Variants in NOTCH2 observed in about 807,000 individuals in gnomAD.
NOTCH2 encodes neurogenic locus notch homolog protein 2.
In NOTCH2, 29 loss-of-function variants were observed where a neutral mutation model predicts 235.8. The observed-to-expected ratio is 0.12, with a 90% CI of 0.09 to 0.17. The LOEUF (loss-of-function observed/expected upper bound fraction) is 0.17, where lower values mean the gene tolerates loss of function less well. Ranked by LOEUF, NOTCH2 falls within the 10% of genes least tolerant of loss-of-function variation. The pLI is 1.00. For missense variants in NOTCH2, 2,285 were observed against 3,150.2 expected (o/e 0.73, Z 6.57); for synonymous variants, 1,086 against 1,141.5 (o/e 0.95, Z 0.98).
chr1:120,067,624 T>G (rs1442811669), intron 1 of NOTCH2, among the ~76,000 whole-genome samples: 1 of 152,192 alleles, frequency 6.6e-6, no homozygotes, highest in East Asian at 1.9e-4. Context: ...CCAAAACAAG[T>G]TAATGATAGA....
At chr1:119,982,216 G>A (rs1305749086) in intron 5 of NOTCH2, among the ~76,000 whole-genome samples, 2 of 152,214 alleles carry the variant, frequency 1.3e-5, no homozygotes, top group Admixed American at 1.3e-4. Context: ...AAGGAGAGCT[G>A]AGAGAAAGTG....
chr1:120,000,390 C>T (rs1270435315), intron 3 of NOTCH2, among the ~76,000 whole-genome samples: 5 of 151,016 alleles, frequency 3.3e-5, no homozygotes, highest in Non-Finnish European at 7.4e-5. Flanking sequence ...AAAAATTAGC[C>T]GGGCATGGCG....
intron 33 of NOTCH2, among the ~76,000 whole-genome samples, chr1:119,917,071 T>C (rs986859404): frequency 1.3e-5 from 2 of 151,778 alleles, no homozygotes; most frequent in African/African-American, 4.8e-5. Context: ...GAATAGGAGT[T>C]AGAAATAAGA....
chr1:119,926,481 G>T lies in NOTCH2; in HGVS notation c.4005+18C>A. The T allele has an allele frequency of 6.5e-7, 1 of 1,548,606 alleles. No homozygotes were observed. The highest frequency in any genetic ancestry group is 8.9e-7 in the Non-Finnish European group (1 of 1,128,042). On this transcript the variant is annotated intron_variant, in intron 24 of 33. Coordinates refer to ENST00000256646, the MANE Select transcript of NOTCH2 (RefSeq NM_024408.4). ...GAAGAGACAATGCCCCTTCTTAGAT[G>T]AGCAACAGGGCACTTACCGGGGGAC...
chr1:120,007,673 A>G (rs1653035092), intron 2 of NOTCH2, among the ~76,000 whole-genome samples: 1 of 152,052 alleles, frequency 6.6e-6, no homozygotes, highest in African/African-American at 2.4e-5. Flanking sequence ...AGCCTGGGCA[A>G]CAGAGTGAGA....
intron 12 of NOTCH2, among the ~76,000 whole-genome samples, chr1:119,956,611 T>C (rs1650711697): frequency 2.0e-5 from 3 of 152,198 alleles, no homozygotes; most frequent in Admixed American, 2.0e-4. Flanking sequence ...CACTGATTCT[T>C]TGAGCTGTTT....
chr1:120,039,431 T>G (rs1553212394), intron 1 of NOTCH2, among the ~76,000 whole-genome samples: 1 of 147,686 alleles, frequency 6.8e-6, no homozygotes, highest in Non-Finnish European at 1.5e-5. Context: ...TTTTTTGAGA[T>G]GGAGTCTCGC....
intron 28 of NOTCH2, 68 bp downstream of exon 28, chr1:119,922,168 A>G: frequency 1.3e-6 from 2 of 1,502,166 alleles, no homozygotes; most frequent in African/African-American, 1.4e-5. Flanking sequence ...TCATGATTCA[A>G]CAAGATATGC....
At chr1:119,922,198 T>TCCCC in intron 28 of NOTCH2, 38 bp downstream of exon 28, 1 of 1,591,328 alleles carries the variant, frequency 6.3e-7, no homozygotes, top group Admixed American at 1.7e-5. Context: ...CATCCCTACT[T>TCCCC]ATACTGTGAA....
intron 8 of NOTCH2, 102 bp from the exon 9 acceptor site, chr1:119,966,591 A>G: frequency 1.2e-6 from 1 of 816,308 alleles, no homozygotes; most frequent in Non-Finnish European, 2.2e-6. Flanking sequence ...TTGCGAGTAC[A>G]CACATTTCTG....
intron 21 of NOTCH2, 21 bp from the exon 22 acceptor site, chr1:119,935,625 G>T (rs1223588814): frequency 6.2e-7 from 1 of 1,613,518 alleles, no homozygotes; most frequent in East Asian, 2.2e-5. Context: ...GAAACAAAAA[G>T]GACAAGAAAT....
chr1:119,981,730 C>T (rs182859863), intron 5 of NOTCH2, among the ~76,000 whole-genome samples: 174 of 152,222 alleles, frequency 1.1e-3, no homozygotes, highest in African/African-American at 4.0e-3. Context: ...GCAGTCTGCC[C>T]AACTGATAGG....
intron 19 of NOTCH2, among the ~76,000 whole-genome samples, chr1:119,939,358 T>C (rs1334160417): frequency 1.3e-5 from 2 of 152,220 alleles, no homozygotes; most frequent in Non-Finnish European, 2.9e-5. Flanking sequence ...CCCAATGCTC[T>C]AGACATGATT....
chr1:119,916,503 G>T lies in NOTCH2; in HGVS notation c.6219C>A (p.Gly2073=). The T allele has an allele frequency of 1.9e-6, 3 of 1,612,576 alleles. No homozygotes were observed. Among genetic ancestry groups the T allele is most frequent in the Non-Finnish European group, 2.5e-6 (3 of 1,178,628 alleles). ...DEYNVTPSPP[G]TVLTSALSPV... ...GTGAGAGAGCAGAAGTCAACACGGT[G>T]CCTGGAGGGCTTGGGGTCACATTGT... The change falls in exon 34 of 34, where the codon GGC becomes GGA. Residue 2073 remains glycine, a synonymous_variant. Transcript: ENST00000256646.
intron 3 of NOTCH2, among the ~76,000 whole-genome samples, chr1:119,999,674 G>A (rs1285045555): frequency 1.3e-5 from 2 of 151,912 alleles, no homozygotes; most frequent in African/African-American, 2.4e-5. Context: ...TTGTGGTTAG[G>A]AGTTTGAGAC....
intron 22 of NOTCH2, among the ~76,000 whole-genome samples, chr1:119,930,895 G>A (rs924017377): frequency 2.0e-5 from 3 of 148,174 alleles, no homozygotes; most frequent in African/African-American, 5.3e-5. Context: ...TCAGGAGATC[G>A]AGACCATCCT....
chr1:119,991,834 AAAAAAAAAAG>A (rs1652258793), intron 4 of NOTCH2, among the ~76,000 whole-genome samples: 1 of 129,078 alleles, frequency 7.7e-6, no homozygotes, highest in African/African-American at 3.6e-5. Flanking sequence ...CTCAAAAAAA[AAAAAAAAAAG>A]AAAAGAAAAG....
chr1:119,923,073 G>A (rs1031495359), intron 26 of NOTCH2, among the ~76,000 whole-genome samples: 1 of 152,196 alleles, frequency 6.6e-6, no homozygotes, highest in Non-Finnish European at 1.5e-5. Flanking sequence ...CTTTCCTCCC[G>A]AAGGTTTCAG....
At chr1:120,045,735 A>T (rs1654760014) in intron 1 of NOTCH2, among the ~76,000 whole-genome samples, 1 of 152,272 alleles carries the variant, frequency 6.6e-6, no homozygotes, top group African/African-American at 2.4e-5. Flanking sequence ...GAAAATTTTA[A>T]CTCAAAAATT....
Sources: gnomAD v4.1 joint callset for allele counts (sites outside exome capture counted in the v4.1 genomes callset) on GRCh38, gnomAD v4.1.1 for gene constraint, MANE v1.5 for transcripts, NCBI Gene and HGNC (gene_info 2026-07-23, HGNC 2026-07-21) for gene names.